NDE1: variants seen among roughly 807,000 people sequenced by gnomAD.
NDE1 encodes the protein nudE neurodevelopment protein 1.
A neutral mutation model predicts 43.4 loss-of-function variants in NDE1; 28 were observed. The ratio of observed to expected loss-of-function variants is 0.65; its 90% confidence interval spans 0.48 to 0.89. The LOEUF is 0.89. Among genes scored for constraint, NDE1 ranks in the 40% least tolerant of loss-of-function variants. The pLI, the probability that NDE1 is intolerant of heterozygous loss-of-function variation, is 0.00. For missense variants in NDE1, 441 were observed against 434.1 expected, an observed-to-expected ratio of 1.02 and a Z score of -0.14; for synonymous variants, 184 against 172.0, an observed-to-expected ratio of 1.07 and a Z score of -0.55.
intron 8 of NDE1, among the ~76,000 whole-genome samples, chr16:15,723,673 A>G: frequency 6.6e-6 from 1 of 152,152 alleles, no homozygotes; most frequent in East Asian, 1.9e-4. Flanking sequence ...AAGTTCATAT[A>G]ATACAGTGTC....
intron 2 of NDE1, among the ~76,000 whole-genome samples, chr16:15,665,802 G>A (rs1174046524): frequency 3.3e-5 from 5 of 151,010 alleles, no homozygotes; most frequent in African/African-American, 1.2e-4. Context: ...TCTTGCCCAG[G>A]CTGTAGTGCA....
At chr16:15,703,555 C>T (rs2039296624) in intron 8 of NDE1, 2 of 334,298 alleles carry the variant, frequency 6.0e-6, no homozygotes, top group African/African-American at 4.1e-5. Context: ...ATCATACAAA[C>T]TTCAATTTTT....
chr16:15,725,931 C>T lies in NDE1; in HGVS notation c.*1680C>T. On this transcript the variant is annotated 3_prime_UTR_variant, in exon 9 of 9. Transcript: ENST00000396354. ...CCCTACATCATCTGGGTACAAGCTC[C>T]CCCTCCAACCCCACTCTGTACTATC... The T allele has an allele frequency of 2.7e-6, 1 of 372,366 alleles. No homozygotes were observed. Among genetic ancestry groups the T allele is most frequent in the Non-Finnish European group, 4.8e-6 (1 of 209,984 alleles). 23.1% of individuals were successfully genotyped at this position (372,366 alleles called of 1,614,324 possible).
chr16:15,723,110 T>C (rs539700356), intron 8 of NDE1, among the ~76,000 whole-genome samples: 1 of 152,312 alleles, frequency 6.6e-6, no homozygotes, highest in East Asian at 1.9e-4. Context: ...TAAATAATAA[T>C]GTATCTTAAA....
chr16:15,676,544 A>C (rs868418083), intron 3 of NDE1, among the ~76,000 whole-genome samples: 1 of 152,062 alleles, frequency 6.6e-6, no homozygotes, highest in African/African-American at 2.4e-5. Context: ...CTAGAGATCA[A>C]ACTGTTCCTT....
chr16:15,677,933 C>G lies in NDE1; in HGVS notation c.370C>G (p.Leu124Val). The change falls in exon 4 of 9, where the codon CTG (leucine) becomes GTG (valine). Residue 124 changes from leucine (L) to valine (V), a missense_variant. Transcript: ENST00000396354. The stretch of plus-strand genomic sequence containing the variant: ...AGAGCTGGAGCAAGCAAATGACGAC[C>G]TGGAAAGAGCCAAGCGGTATGGGTG... The part of the protein sequence containing the change: ...IRELEQANDD[L>V]ERAKRATIMS... 1.2e-6 allele frequency: 2 copies of G among 1,614,026 alleles called. No homozygotes were observed. The highest frequency in any genetic ancestry group is 1.7e-6 in the Non-Finnish European group (2 of 1,180,008).
chr16:15,724,834 G>T lies in NDE1; in HGVS notation c.*583G>T, dbSNP rs1567700853. 1.2e-6 allele frequency: 2 copies of T among 1,613,580 alleles called. No individual in the cohort carries two copies. Among genetic ancestry groups the T allele is most frequent in the Non-Finnish European group, 1.7e-6 (2 of 1,179,978 alleles). On this transcript the variant is annotated 3_prime_UTR_variant, in exon 9 of 9. Transcript: ENST00000396354. ...GGATGCAAAGAGGTCCCAGGGACCT[G>T]CCCCGAGGAAGGCCACCCCCCAGGT...
chr16:15,711,771 T>C (rs867448299), intron 8 of NDE1, among the ~76,000 whole-genome samples: 2 of 152,090 alleles, frequency 1.3e-5, no homozygotes, highest in Non-Finnish European at 1.5e-5. Context: ...CAGCTCACTG[T>C]AACCTGTGTC....
chr16:15,716,586 ATC>A (rs1435261639), intron 8 of NDE1, among the ~76,000 whole-genome samples: 1 of 152,102 alleles, frequency 6.6e-6, no homozygotes, highest in African/African-American at 2.4e-5. Flanking sequence ...CAGTGGCACA[ATC>A]TCGGCTCACT....
intron 8 of NDE1, chr16:15,704,074 T>G (rs1277442569): frequency 6.2e-7 from 1 of 1,614,184 alleles, no homozygotes. Flanking sequence ...TCAATAACTC[T>G]ACGTCCTCCA....
At chr16:15,686,302 A>G (rs2038435924) in intron 4 of NDE1, 2 of 880,150 alleles carry the variant, frequency 2.3e-6, no homozygotes, top group Non-Finnish European at 2.7e-6. Flanking sequence ...CATGAAGGTT[A>G]CTATTACTAT....
chr16:15,712,624 G>A (rs546479672), intron 8 of NDE1, among the ~76,000 whole-genome samples: 50 of 152,194 alleles, frequency 3.3e-4, no homozygotes, highest in African/African-American at 1.1e-3. Flanking sequence ...ACCCTGGGGC[G>A]GTCTAGTGGC....
intron 3 of NDE1, among the ~76,000 whole-genome samples, chr16:15,674,058 A>G (rs564367883): frequency 6.6e-6 from 1 of 152,262 alleles, no homozygotes; most frequent in East Asian, 1.9e-4. Context: ...TAGGAAGTGT[A>G]CTTAGCCTGG....
intron 4 of NDE1, among the ~76,000 whole-genome samples, chr16:15,686,103 C>T (rs1173790342): frequency 1.3e-5 from 2 of 152,040 alleles, no homozygotes; most frequent in Non-Finnish European, 2.9e-5. Context: ...ATGTGTGCAC[C>T]ATCATGCCCG....
At chr16:15,719,969 G>T (rs1262026047) in intron 8 of NDE1, among the ~76,000 whole-genome samples, 2 of 152,124 alleles carry the variant, frequency 1.3e-5, no homozygotes, top group Non-Finnish European at 2.9e-5. Flanking sequence ...ACCTAATAAT[G>T]CTGCCCTACC....
intron 8 of NDE1, among the ~76,000 whole-genome samples, chr16:15,699,190 A>T (rs1214573144): frequency 6.6e-6 from 1 of 151,396 alleles, no homozygotes; most frequent in Non-Finnish European, 1.5e-5. Flanking sequence ...TTTTCAGATT[A>T]ATTTTCCAGG....
intron 8 of NDE1, among the ~76,000 whole-genome samples, chr16:15,719,954 C>T (rs1178807497): frequency 6.6e-6 from 1 of 152,118 alleles, no homozygotes; most frequent in Non-Finnish European, 1.5e-5. Context: ...GGGCAGTGGC[C>T]AAATACCTAA....
intron 1 of NDE1, among the ~76,000 whole-genome samples, chr16:15,660,596 C>T (rs2151423112): frequency 6.6e-6 from 1 of 152,240 alleles, no homozygotes; most frequent in East Asian, 1.9e-4. Flanking sequence ...TTAGGTAATT[C>T]TCCAGAATTC....
At chr16:15,664,890 T>C (rs2037224696) in intron 2 of NDE1, 29 bp downstream of exon 2, 2 of 1,190,082 alleles carry the variant, frequency 1.7e-6, no homozygotes, top group South Asian at 1.7e-5. Context: ...GCTTTTCCTT[T>C]TTTTTTTTTT....
Sources: allele counts gnomAD v4.1 joint callset (sites outside exome capture counted in the v4.1 genomes callset), GRCh38; gene constraint gnomAD v4.1.1; transcripts MANE v1.5; gene names NCBI Gene and HGNC (gene_info 2026-07-23, HGNC 2026-07-21).